The following ETF1 variants were observed in gnomAD, a reference collection of about 807,000 sequenced individuals.
ETF1 encodes the protein eukaryotic translation termination factor 1.
A neutral mutation model predicts 55.1 loss-of-function variants in ETF1; 4 were observed. That is an observed-to-expected ratio of 0.07 (90% confidence interval 0.04 to 0.17). The LOEUF (loss-of-function observed/expected upper bound fraction) is 0.17, where lower values mean the gene tolerates loss of function less well. ETF1 is among the 10% of genes least tolerant of loss of function. The probability of loss-of-function intolerance (pLI) is 1.00; values close to 1 mark genes in which losing one functional copy is unlikely to be tolerated. For synonymous variants in ETF1, 157 were observed against 182.3 expected (o/e 0.86, Z 1.12); for missense variants, 142 against 523.6 (o/e 0.27, Z 7.11).
Position 138,511,705 on chromosome 5 carries a change from G to T in ETF1, c.733-101C>A, listed in dbSNP as rs991564065. 7 of 1,428,810 alleles carry T rather than the reference G, an allele frequency of 4.9e-6. No individual in the cohort carries two copies. In the Admixed American group the frequency reaches 2.1e-4, roughly 43 times the overall value. 88.5% of individuals were successfully genotyped at this position (1,428,810 alleles called of 1,614,324 possible). On this transcript the variant is annotated intron_variant, in intron 6 of 10. Coordinates refer to ENST00000360541, the MANE Select transcript of ETF1 (RefSeq NM_004730.4). ...CCACTAACTCTTAATGGTATGCAAA[G>T]CTCAGCATTATGATCACTGAAGTCT...
chr5:138,532,944 C>CT (rs1249359363), intron 2 of ETF1, among the ~76,000 whole-genome samples: 1,632 of 145,890 alleles, frequency 0.011, 21 homozygotes, highest in African/African-American at 0.026. Flanking sequence ...ATATAAGCTT[C>CT]TTTTTTTTTT....
rs1471307946 is a variant in ETF1, at chr5:138,511,034, A to G, written c.1018+11T>C. 1 of 1,610,554 alleles carries G rather than the reference A, an allele frequency of 6.2e-7. No individual in the cohort carries two copies. The highest frequency in any genetic ancestry group is 8.5e-7 in the Non-Finnish European group (1 of 1,178,280). ...GTAACAAATAGCAACCTTATTTTCT[A>G]ATTCTCATACCTTCTGTGCCTTGGC... On this transcript the variant is annotated intron_variant, in intron 8 of 10. Coordinates refer to ENST00000360541, the MANE Select transcript of ETF1 (RefSeq NM_004730.4).
At chr5:138,518,229 GA>G (rs1765101226) in intron 3 of ETF1, among the ~76,000 whole-genome samples, 1 of 135,396 alleles carries the variant, frequency 7.4e-6, no homozygotes, top group Non-Finnish European at 1.6e-5. Flanking sequence ...AAAAAAAATT[GA>G]GACAACGCCT....
chr5:138,522,763 T>C (rs1170312282), intron 2 of ETF1, among the ~76,000 whole-genome samples: 1 of 152,168 alleles, frequency 6.6e-6, no homozygotes, highest in Non-Finnish European at 1.5e-5. Context: ...TCCCAGCATT[T>C]TGGGAGGCTG....
rs921627952 is a variant in ETF1 at position 138,507,510 on chromosome 5, C to T, written c.*795G>A. On this transcript the variant is annotated 3_prime_UTR_variant, in exon 11 of 11. Coordinates refer to ENST00000360541, the MANE Select transcript of ETF1 (RefSeq NM_004730.4). ...GCACAGAAGCCCCATCATATCCATC[C>T]CAAACCGGTTTCGAGTAGGTTAAGG... 1.3e-5 allele frequency: 2 copies of T among 152,584 alleles called. No homozygotes were observed. Among genetic ancestry groups the T allele is most frequent in the African/African-American group, 2.4e-5 (1 of 41,412 alleles). 9.5% of individuals were successfully genotyped at this position (152,584 alleles called of 1,614,324 possible).
chr5:138,507,648 C>CA lies in ETF1; in HGVS notation c.*656dup, dbSNP rs1261836104. The CA allele has an allele frequency of 6.5e-6, 1 of 152,746 alleles. No homozygotes were observed. Among genetic ancestry groups the CA allele is most frequent in the Admixed American group, 6.5e-5 (1 of 15,292 alleles). The allele number at this position is 152,746 out of a possible 1,614,324, so 9.5% of individuals were successfully genotyped here. ...GCACTGGCCCAAATGCTTCATGAGT[C>CA]AGTTTGATTTTGCAATGCAATTTGC... On this transcript the variant is annotated 3_prime_UTR_variant, in exon 11 of 11. Transcript: ENST00000360541.
At chr5:138,538,940 T>C (rs920994794) in intron 2 of ETF1, among the ~76,000 whole-genome samples, 3 of 152,228 alleles carry the variant, frequency 2.0e-5, no homozygotes, top group Non-Finnish European at 4.4e-5. Flanking sequence ...TAAAAATGGT[T>C]ATATTTGGGG....
At chr5:138,514,035 A>C in intron 4 of ETF1, 32 of 462,314 alleles carry the variant, frequency 6.9e-5, no homozygotes, top group South Asian at 9.1e-5. Flanking sequence ...ACTCAATCTC[A>C]AAAAGGAAGA....
chr5:138,531,794 C>T (rs929959255), intron 2 of ETF1, among the ~76,000 whole-genome samples: 19 of 152,192 alleles, frequency 1.2e-4, no homozygotes, highest in African/African-American at 4.6e-4. Flanking sequence ...CACCTGTAAT[C>T]CCAGCACTTT....
chr5:138,524,872 G>A (rs1284057189), intron 2 of ETF1, among the ~76,000 whole-genome samples: 5 of 151,722 alleles, frequency 3.3e-5, no homozygotes, highest in South Asian at 2.1e-4. Flanking sequence ...CACCGTGCCC[G>A]GCCAGGATAT....
chr5:138,514,805 T>G (rs1419256160), intron 4 of ETF1, among the ~76,000 whole-genome samples: 2 of 152,150 alleles, frequency 1.3e-5, no homozygotes, highest in African/African-American at 4.8e-5. Flanking sequence ...CCTTTATGCC[T>G]TCCCAAAGAG....
chr5:138,509,044 T>C lies in ETF1; in HGVS notation c.1084-228A>G, dbSNP rs1036181771. On this transcript the variant is annotated intron_variant, in intron 9 of 10. Transcript: ENST00000360541. ...TCTCCTCAGGCTCTACCCTCAGCTA[T>C]GAAATACCAACACAAAAACTCAGTG... The C allele has an allele frequency of 4.1e-6, 4 of 985,234 alleles. No homozygotes were observed. In the African/African-American group the frequency reaches 7.0e-5, roughly 17 times the overall value. The allele number at this position is 985,234 out of a possible 1,614,324, so 61.0% of individuals were successfully genotyped here.
chr5:138,518,095 G>T (rs1308124957), intron 3 of ETF1, among the ~76,000 whole-genome samples: 3 of 151,064 alleles, frequency 2.0e-5, no homozygotes, highest in Non-Finnish European at 2.9e-5. Context: ...CCAGCTACTC[G>T]AGAGGCTGAG....
In ETF1 at chr5:138,542,935, C is replaced by A. The variant is rs756939100; in HGVS notation, c.-17G>T. ...GTCCGCCATCTTCTCGCCTCCTCCT[C>A]CCTAGAGCGGCCCGGCGGGGCCCGG... On this transcript the variant is annotated splice_region_variant and 5_prime_UTR_variant, in exon 2 of 11. Coordinates refer to ENST00000360541, the MANE Select transcript of ETF1 (RefSeq NM_004730.4). The A allele has an allele frequency of 1.2e-6, 2 of 1,613,322 alleles. No homozygotes were observed. Among genetic ancestry groups the A allele is most frequent in the Admixed American group, 1.7e-5 (1 of 60,004 alleles).
chr5:138,509,011 A>T (rs1764660203), intron 9 of ETF1, 195 bp from the exon 10 acceptor site: 2 of 984,950 alleles, frequency 2.0e-6, no homozygotes, highest in Middle Eastern at 5.2e-4. Flanking sequence ...ATTATTTCAA[A>T]CAACACTTCT....
chr5:138,535,874 CA>C (rs35261297), intron 2 of ETF1, among the ~76,000 whole-genome samples: 261 of 57,802 alleles, frequency 4.5e-3, no homozygotes, highest in South Asian at 0.028. Context: ...GACTCCGCCT[CA>C]AAAAAAAAAA....
chr5:138,542,708 G>A (rs1182275898), intron 2 of ETF1, 125 bp downstream of exon 2: 6 of 1,515,798 alleles, frequency 4.0e-6, no homozygotes, highest in Admixed American at 2.1e-5. Context: ...CTACTACCCA[G>A]AGATCCAGAA....
intron 2 of ETF1, among the ~76,000 whole-genome samples, chr5:138,523,545 A>C (rs191683560): frequency 6.6e-6 from 1 of 152,064 alleles, no homozygotes; most frequent in Non-Finnish European, 1.5e-5. Flanking sequence ...CAAAAAAAAC[A>C]CCACATATTG....
Position 138,511,397 on chromosome 5 carries a change from C to G in ETF1, c.862+78G>C, listed in dbSNP as rs769091784. ...ACATACAATCACGTACATACACACACACACATACACACACACACACACACA... is the reference window on the plus strand; with the variant it reads ...ACATACAATCACGTACATACACACAGACACATACACACACACACACACACA... On this transcript the variant is annotated intron_variant, in intron 7 of 10. Transcript: ENST00000360541. 3.0e-4 allele frequency: 300 copies of G among 996,788 alleles called. 3 individuals carry two copies. In the African/African-American group the frequency reaches 5.4e-3, roughly 18 times the overall value. 61.7% of individuals were successfully genotyped at this position (996,788 alleles called of 1,614,324 possible). A position where few individuals can be genotyped will look rare whatever the true frequency, so the allele number is the denominator to read the frequency against.
Sources: allele counts gnomAD v4.1 joint callset (sites outside exome capture counted in the v4.1 genomes callset), GRCh38; gene constraint gnomAD v4.1.1; transcripts MANE v1.5; gene names NCBI Gene and HGNC (gene_info 2026-07-23, HGNC 2026-07-21).